Variants in MNS1 observed in about 807,000 individuals in gnomAD.
MNS1 encodes meiosis-specific nuclear structural protein 1.
A neutral mutation model predicts 72.0 loss-of-function variants in MNS1; 63 were observed. That is an observed-to-expected ratio of 0.87 (90% confidence interval 0.71 to 1.08). The LOEUF is 1.08. Ranked by LOEUF, MNS1 falls within the 50% of genes least tolerant of loss-of-function variation. The probability of loss-of-function intolerance (pLI) is 0.00; values close to 1 mark genes in which losing one functional copy is unlikely to be tolerated. For missense variants in MNS1, 604 were observed against 562.4 expected (o/e 1.07, Z -0.75); for synonymous variants, 188 against 172.1 (o/e 1.09, Z -0.72).
chr15:56,451,626 T>C (rs1486032370), intron 3 of MNS1, among the ~76,000 whole-genome samples: 1 of 152,200 alleles, frequency 6.6e-6, no homozygotes, highest in Non-Finnish European at 1.5e-5. Flanking sequence ...AAAAATACTT[T>C]CTAATTTCAA....
intron 7 of MNS1, among the ~76,000 whole-genome samples, chr15:56,435,149 T>G (rs535415631): frequency 1.3e-5 from 2 of 152,208 alleles, no homozygotes; most frequent in East Asian, 1.9e-4. Context: ...AAAGCAGTTC[T>G]GAGAAACATT....
At position 56,434,299 on chromosome 15, in the gene MNS1, C is replaced by G. The variant is rs763513915; in HGVS notation, c.1108G>C (p.Glu370Gln). The G allele has an allele frequency of 5.0e-6, 8 of 1,613,840 alleles. No individual in the cohort carries two copies. In the African/African-American group the frequency reaches 6.7e-5, roughly 13 times the overall value. The change falls in exon 8 of 10, where the codon GAG becomes CAG. Residue 370 changes from glutamate to glutamine, a missense_variant. Coordinates refer to ENST00000260453, the MANE Select transcript of MNS1 (RefSeq NM_018365.4). The part of the protein sequence containing the change: ...LKELVLQAAK[E>Q]EEENFRKTML... ...GTTTTTCTAAAGTTCTCCTCTTCCT[C>G]TTTTGCAGCCTGTAGCACTAATTCC...
chr15:56,460,002 AAAAAAAAATACATATAT>A (rs1476567075), intron 2 of MNS1, among the ~76,000 whole-genome samples: 1 of 57,264 alleles, frequency 1.7e-5, no homozygotes, highest in African/African-American at 6.1e-5. Context: ...AAAAAAAAAA[AAAAAAAAATACATATAT>A]ATATATATAT....
intron 7 of MNS1, among the ~76,000 whole-genome samples, chr15:56,435,022 T>C (rs753964996): frequency 3.9e-5 from 6 of 152,108 alleles, no homozygotes; most frequent in Non-Finnish European, 7.4e-5. Context: ...CTAAAAAATA[T>C]AATTTTACAA....
chr15:56,434,127 C>A lies in MNS1; in HGVS notation c.1269+11G>T. Reference sequence around the variant, plus strand: ...GATAATGACCAAAAAAACCCCACAACTTTTTCTTACTTTGTCTGCAAGGAA... The same window carrying A: ...GATAATGACCAAAAAAACCCCACAAATTTTTCTTACTTTGTCTGCAAGGAA... On this transcript the variant is annotated intron_variant, in intron 8 of 9. Coordinates refer to ENST00000260453, the MANE Select transcript of MNS1 (RefSeq NM_018365.4). The A allele has an allele frequency of 6.2e-7, 1 of 1,604,850 alleles. No homozygotes were observed. Among genetic ancestry groups the A allele is most frequent in the Non-Finnish European group, 8.5e-7 (1 of 1,176,544 alleles).
rs562365848 is a variant in MNS1, at chr15:56,465,040, C to A, written c.-68G>T. The A allele has an allele frequency of 1.1e-5, 18 of 1,591,038 alleles. No individual in the cohort carries two copies. In the Admixed American group the frequency reaches 3.2e-4, roughly 29 times the overall value. ...CCACCTCCCGCCGCAAACGCAGCAG[C>A]CAGCAGCCCCAAGGAGCGCACCTGG... On this transcript the variant is annotated 5_prime_UTR_variant, in exon 1 of 10. Coordinates refer to ENST00000260453, the MANE Select transcript of MNS1 (RefSeq NM_018365.4).
intron 2 of MNS1, among the ~76,000 whole-genome samples, chr15:56,459,990 CAAAAAAAA>C (rs150132300): frequency 7.2e-4 from 8 of 11,122 alleles, no homozygotes; most frequent in African/African-American, 3.6e-3. Context: ...AATTCTGTCT[CAAAAAAAA>C]AAAAAAAAAA....
At chr15:56,443,580 A>G in intron 6 of MNS1, 43 bp from the exon 7 acceptor site, 3 of 1,584,274 alleles carry the variant, frequency 1.9e-6, no homozygotes, top group Non-Finnish European at 1.7e-6. Flanking sequence ...TAGGATCCAA[A>G]TTCTGTAACT....
In MNS1 at chr15:56,446,844, T is replaced by A. The variant is rs140027468; in HGVS notation, c.453A>T (p.Gln151His). 1 of 1,596,664 alleles carries A rather than the reference T, an allele frequency of 6.3e-7. No homozygotes were observed. The highest frequency in any genetic ancestry group is 8.6e-7 in the Non-Finnish European group (1 of 1,167,056). The stretch of plus-strand genomic sequence containing the variant: ...TAATGACCAGAAACATGATTACCAT[T>A]TGTTCATATTTAATGGCATCCTTTT... ...IAEKDAIKYE[Q>H]MKRDAEIAKT... The change falls in exon 4 of 10, where the codon CAA (glutamine) becomes CAT (histidine). Residue 151 changes from glutamine (Q) to histidine (H), a missense_variant. Transcript: ENST00000260453.
At chr15:56,448,198 G>A (rs1422524119) in intron 3 of MNS1, among the ~76,000 whole-genome samples, 2 of 152,152 alleles carry the variant, frequency 1.3e-5, no homozygotes, top group Non-Finnish European at 2.9e-5. Flanking sequence ...GTAGATGCAC[G>A]TTCAGCGTTT....
intron 7 of MNS1, among the ~76,000 whole-genome samples, chr15:56,438,366 C>A (rs2050763867): frequency 1.3e-5 from 2 of 151,914 alleles, no homozygotes; most frequent in South Asian, 4.2e-4. Context: ...AGGTTTGTTA[C>A]AAACCTGACA....
At chr15:56,452,236 C>T (rs1373132260) in intron 3 of MNS1, among the ~76,000 whole-genome samples, 1 of 152,004 alleles carries the variant, frequency 6.6e-6, no homozygotes, top group African/African-American at 2.4e-5. Context: ...CGAAACACAG[C>T]AAAATTGGCA....
At position 56,444,647 on chromosome 15, in the gene MNS1, G is replaced by C; in HGVS notation, c.483C>G (p.Thr161=). 6.2e-7 allele frequency: 1 copy of C among 1,608,500 alleles called. No homozygotes were observed. The highest frequency in any genetic ancestry group is 8.5e-7 in the Non-Finnish European group (1 of 1,178,448). The stretch of plus-strand genomic sequence containing the variant: ...TTATTCTCTTGTGTTCTTCCATCAT[G>C]GTTTTGGCTATTTCAGCATCACGTT... The part of the protein sequence containing the change: ...QMKRDAEIAK[T]MMEEHKRIIK... Residue 161 remains threonine (T), a synonymous_variant, in exon 5 of 10, where the codon ACC becomes ACG. Transcript: ENST00000260453.
At chr15:56,446,209 A>G (rs1183120465) in intron 4 of MNS1, among the ~76,000 whole-genome samples, 1 of 152,032 alleles carries the variant, frequency 6.6e-6, no homozygotes, top group Non-Finnish European at 1.5e-5. Flanking sequence ...ATAAACATTC[A>G]TATATAATTG....
chr15:56,457,923 T>C (rs1251039008), intron 2 of MNS1, among the ~76,000 whole-genome samples: 4 of 152,134 alleles, frequency 2.6e-5, no homozygotes, highest in African/African-American at 9.7e-5. Flanking sequence ...TGTATACAAA[T>C]GTTTACAGCA....
intron 2 of MNS1, among the ~76,000 whole-genome samples, chr15:56,460,470 T>TG (rs2051013345): frequency 6.6e-6 from 1 of 152,144 alleles, no homozygotes; most frequent in Admixed American, 6.5e-5. Context: ...AACACATTAG[T>TG]GGACAAACTG....
chr15:56,431,750 C>G (rs1439683028), intron 8 of MNS1, among the ~76,000 whole-genome samples: 1 of 151,938 alleles, frequency 6.6e-6, no homozygotes, highest in East Asian at 1.9e-4. Flanking sequence ...AAAGTGTCTT[C>G]ATTACCAAGG....
chr15:56,438,205 A>T (rs1368536293), intron 7 of MNS1, among the ~76,000 whole-genome samples: 2 of 152,208 alleles, frequency 1.3e-5, no homozygotes, highest in Admixed American at 1.3e-4. Context: ...ATGCTACCTG[A>T]ATTCAAACTA....
intron 3 of MNS1, among the ~76,000 whole-genome samples, chr15:56,450,358 T>G (rs1596265813): frequency 6.6e-6 from 1 of 152,294 alleles, no homozygotes; most frequent in South Asian, 2.1e-4. Context: ...CAACACTATT[T>G]CCAAAACTTT....
Sources: allele counts gnomAD v4.1 joint callset (sites outside exome capture counted in the v4.1 genomes callset), GRCh38; gene constraint gnomAD v4.1.1; transcripts MANE v1.5; gene names NCBI Gene and HGNC (gene_info 2026-07-23, HGNC 2026-07-21).